Variants in ETV3 observed in about 807,000 individuals in gnomAD.
ETV3 encodes ETS variant transcription factor 3, also known as ETS translocation variant 3.
ETV3 carries 8 observed loss-of-function variants against 33.0 expected under a neutral mutation model. The ratio of observed to expected loss-of-function variants is 0.24; its 90% CI spans 0.14 to 0.44. ETV3 has a LOEUF of 0.44. ETV3 is among the 20% of genes least tolerant of loss of function. The pLI is 1.00. For missense variants in ETV3, 473 were observed against 652.3 expected, an observed-to-expected ratio of 0.73 and a Z score of 2.99; for synonymous variants, 222 against 238.9, an observed-to-expected ratio of 0.93 and a Z score of 0.65.
rs989065197 is a variant in ETV3, at chr1:157,121,375, G to A, written c.*3466C>T. The A allele has an allele frequency of 6.6e-5, 10 of 151,762 alleles. No individual in the cohort carries two copies. The Middle Eastern group carries it at 0.01, about 156-fold the overall frequency. 9.4% of individuals were successfully genotyped at this position (151,762 alleles called of 1,614,324 possible). On this transcript the variant is annotated 3_prime_UTR_variant, in exon 5 of 5. Coordinates refer to ENST00000368192, the MANE Select transcript of ETV3 (RefSeq NM_001145312.3). Reference sequence around the variant, plus strand: ...AAAATTTGAAGACTTTATAGAAAGCGGAACATCTAAAAGGCACTGCACAAT... The same window carrying A: ...AAAATTTGAAGACTTTATAGAAAGCAGAACATCTAAAAGGCACTGCACAAT...
intron 4 of ETV3, among the ~76,000 whole-genome samples, chr1:157,128,099 G>A (rs922271872): frequency 3.3e-5 from 5 of 152,214 alleles, no homozygotes; most frequent in African/African-American, 1.2e-4. Flanking sequence ...GATATGGGAT[G>A]GTTATGAATT....
chr1:157,138,018 G>C (rs1047790266), intron 1 of ETV3, among the ~76,000 whole-genome samples: 1 of 152,180 alleles, frequency 6.6e-6, no homozygotes, highest in Admixed American at 6.5e-5. Flanking sequence ...TCCCGCAGCA[G>C]CTCCGGGTCC....
At position 157,136,370 on chromosome 1, in the gene ETV3, G is replaced by C. The variant is rs929902695; in HGVS notation, c.-13-5C>G. ...GCTTTCATTTTCACCCGCCTGCTGA[G>C]AGACACAAGCCACACAATTACTTTA... On this transcript the variant is annotated splice_polypyrimidine_tract_variant and splice_region_variant and intron_variant, in intron 1 of 4. Coordinates refer to ENST00000368192, the MANE Select transcript of ETV3 (RefSeq NM_001145312.3). 1.2e-6 allele frequency: 2 copies of C among 1,605,554 alleles called. No homozygotes were observed. Among genetic ancestry groups the C allele is most frequent in the African/African-American group, 2.7e-5 (2 of 74,456 alleles).
chr1:157,124,893 A>G lies in ETV3; in HGVS notation c.1487T>C (p.Leu496Pro), dbSNP rs1379493096. The change falls in exon 5 of 5, where the codon CTC becomes CCC. Residue 496 changes from leucine (L) to proline (P), a missense_variant. This residue lies in a region of ETV3 where 410 missense variants were observed against 520.2 expected (regional missense o/e 0.79). Transcript: ENST00000368192. The part of the protein sequence containing the change: ...ARELSKSGKF[L>P]WNGSGPQGLA... ...GCCCTGGGGTCCTGACCCATTCCAG[A>G]GAAACTTGCCACTCTTGCTCAGCTC... The G allele has an allele frequency of 4.5e-6, 7 of 1,551,438 alleles. No homozygotes were observed. Among genetic ancestry groups the G allele is most frequent in the Non-Finnish European group, 6.1e-6 (7 of 1,146,936 alleles).
At chr1:157,133,792 A>G in intron 4 of ETV3, 4 of 1,074,598 alleles carry the variant, frequency 3.7e-6, no homozygotes, top group Non-Finnish European at 4.5e-6. Flanking sequence ...GTTAAAACTG[A>G]GTCCTGAACG....
At position 157,125,420 on chromosome 1, in the gene ETV3, G is replaced by T; in HGVS notation, c.960C>A (p.Pro320=). The change falls in exon 5 of 5, where the codon CCC becomes CCA. Residue 320 remains proline, a synonymous_variant. Coordinates refer to ENST00000368192, the MANE Select transcript of ETV3 (RefSeq NM_001145312.3). The surrounding 1 kb of genome is among the most constrained non-coding windows in gnomAD (Gnocchi z 4.0). The part of the protein sequence containing the change: ...FNYHLSPRTF[P]RYPGLMVPPL... ...GTGGAACCATGAGCCCTGGGTAACG[G>T]GGAAAAGTCCGAGGACTCAGATGGT... is the stretch of plus-strand genomic sequence containing the variant. 1.3e-6 allele frequency: 2 copies of T among 1,552,208 alleles called. No homozygotes were observed. Among genetic ancestry groups the T allele is most frequent in the African/African-American group, 2.7e-5 (2 of 73,156 alleles).
chr1:157,125,212 G>C lies in ETV3; in HGVS notation c.1168C>G (p.Pro390Ala). Residue 390 changes from proline (P) to alanine (A), a missense_variant, in exon 5 of 5, where the codon CCT becomes GCT. Around this residue, in one of 3 missense-constraint regions of ETV3, gnomAD observed 410 missense variants for 520.2 expected, o/e 0.79. Transcript: ENST00000368192. This position sits in a 1 kb window ranked among gnomAD's most constrained non-coding sequence, Gnocchi z 4.0. Reference protein sequence around the residue: ...IKVEPASEKDPESLRQSAREK... With the variant: ...IKVEPASEKDAESLRQSAREK... ...CGTGCCGACTGCCTGAGGCTCTCAGGATCCTTTTCAGAGGCAGGTTCCACC... is the reference window on the plus strand; with the variant it reads ...CGTGCCGACTGCCTGAGGCTCTCAGCATCCTTTTCAGAGGCAGGTTCCACC... The C allele has an allele frequency of 6.4e-7, 1 of 1,552,244 alleles. No homozygotes were observed. Among genetic ancestry groups the C allele is most frequent in the Non-Finnish European group, 8.7e-7 (1 of 1,147,142 alleles).
At chr1:157,129,882 C>T (rs923277205) in intron 4 of ETV3, among the ~76,000 whole-genome samples, 3 of 151,784 alleles carry the variant, frequency 2.0e-5, no homozygotes, top group Non-Finnish European at 2.9e-5. Context: ...ATCTTGCTGT[C>T]GCCCAGGCTG....
At chr1:157,137,534 A>C (rs1330807472) in intron 1 of ETV3, among the ~76,000 whole-genome samples, 2 of 148,622 alleles carry the variant, frequency 1.3e-5, no homozygotes, top group African/African-American at 5.1e-5. Context: ...ACACACACAC[A>C]CACACACTCT....
At chr1:157,131,061 A>G (rs1674956875) in intron 4 of ETV3, among the ~76,000 whole-genome samples, 1 of 152,212 alleles carries the variant, frequency 6.6e-6, no homozygotes, top group Non-Finnish European at 1.5e-5. Flanking sequence ...TACAATATTA[A>G]CCATTAGTGA....
chr1:157,133,341 G>A, intron 4 of ETV3: 1 of 955,430 alleles, frequency 1.0e-6, no homozygotes, highest in Non-Finnish European at 1.2e-6. Context: ...GAATCTACTA[G>A]GGGTCTTAGA....
At chr1:157,136,466 C>T (rs909127917) in intron 1 of ETV3, 101 bp from the exon 2 acceptor site, 12 of 1,064,308 alleles carry the variant, frequency 1.1e-5, no homozygotes, top group Non-Finnish European at 1.6e-5. Context: ...TTCCCCTGTT[C>T]TTCTTTCCGT....
chr1:157,134,379 T>C (rs1571701880), intron 3 of ETV3, 152 bp from the exon 4 acceptor site: 1 of 988,484 alleles, frequency 1.0e-6, no homozygotes, highest in Non-Finnish European at 1.4e-6. Flanking sequence ...CAGGTAGATC[T>C]AGGAGACCTA....
In ETV3 at chr1:157,123,571, C is replaced by T. The variant is rs753852103; in HGVS notation, c.*1270G>A. On this transcript the variant is annotated 3_prime_UTR_variant, in exon 5 of 5. Coordinates refer to ENST00000368192, the MANE Select transcript of ETV3 (RefSeq NM_001145312.3). Reference sequence around the variant, plus strand: ...TTCTGTGTCTTCTTTCCACCTCTTCCTTCAGTCTCAACATCCACTTGTACC... The same window carrying T: ...TTCTGTGTCTTCTTTCCACCTCTTCTTTCAGTCTCAACATCCACTTGTACC... 3.3e-5 allele frequency: 5 copies of T among 152,340 alleles called. No individual in the cohort carries two copies. The highest frequency in any genetic ancestry group is 2.1e-4 in the South Asian group (1 of 4,832). 9.4% of individuals were successfully genotyped at this position (152,340 alleles called of 1,614,324 possible). A position where few individuals can be genotyped will look rare whatever the true frequency, so the allele number is the denominator to read the frequency against.
chr1:157,124,781 T>C lies in ETV3; in HGVS notation c.*60A>G. 1 of 205,066 alleles carries C rather than the reference T, an allele frequency of 4.9e-6. No homozygotes were observed. Among genetic ancestry groups the C allele is most frequent in the South Asian group, 1.3e-4 (1 of 7,866 alleles). 12.7% of individuals were successfully genotyped at this position (205,066 alleles called of 1,614,324 possible). On this transcript the variant is annotated 3_prime_UTR_variant, in exon 5 of 5. Coordinates refer to ENST00000368192, the MANE Select transcript of ETV3 (RefSeq NM_001145312.3). The stretch of plus-strand genomic sequence containing the variant: ...CCTCCCCCCCACCCTGAAATCTTGC[T>C]ACATAAATACATGTATGTATTTGAT...
At position 157,134,120 on chromosome 1, in the gene ETV3, C is replaced by T. The variant is rs768391921; in HGVS notation, c.392G>A (p.Arg131Gln). The change falls in exon 4 of 5, where the codon CGG (arginine) becomes CAG (glutamine). Residue 131 changes from arginine (R) to glutamine (Q), a missense_variant. Physicochemically the swap from Arg to Gln is conservative, Grantham distance 43. Coordinates refer to ENST00000368192, the MANE Select transcript of ETV3 (RefSeq NM_001145312.3). ...VMPNYPFINI[R>Q]SSGVVPQSAP... The stretch of plus-strand genomic sequence containing the variant: ...AAGAGTTTGTATCTTACCACTTGAC[C>T]GAATGTTGATGAATGGGTAGTTGGG... 5.1e-5 allele frequency: 83 copies of T among 1,613,156 alleles called. No individual in the cohort carries two copies. Among genetic ancestry groups the T allele is most frequent in the Middle Eastern group, 3.3e-4 (2 of 6,082 alleles).
chr1:157,127,487 G>C (rs940391117), intron 4 of ETV3, among the ~76,000 whole-genome samples: 6 of 151,112 alleles, frequency 4.0e-5, no homozygotes, highest in Non-Finnish European at 7.4e-5. Flanking sequence ...TTCCAAGTTT[G>C]CTTACTAAAA....
rs1674793018 is a variant in ETV3, at chr1:157,124,962, T to C, written c.1418A>G (p.Lys473Arg). The C allele has an allele frequency of 6.4e-7, 1 of 1,551,792 alleles. No homozygotes were observed. The highest frequency in any genetic ancestry group is 8.7e-7 in the Non-Finnish European group (1 of 1,147,034). ...EKKEDALMPP[K>R]LRLKRRWNDD... The stretch of plus-strand genomic sequence containing the variant: ...ATTCCAGCGCCGCTTCAACCGAAGC[T>C]TGGGGGGCATCAGTGCATCTTCTTT... The change falls in exon 5 of 5, where the codon AAG (lysine) becomes AGG (arginine). Residue 473 changes from lysine to arginine, a missense_variant. This residue lies in a region of ETV3 where 410 missense variants were observed against 520.2 expected (regional missense o/e 0.79). Coordinates refer to ENST00000368192, the MANE Select transcript of ETV3 (RefSeq NM_001145312.3).
chr1:157,133,885 A>G, intron 4 of ETV3: 12 of 1,373,112 alleles, frequency 8.7e-6, no homozygotes, highest in Non-Finnish European at 1.1e-5. Context: ...CAATATGCAG[A>G]AAAGGGAACC....
Sources: allele counts gnomAD v4.1 joint callset (sites outside exome capture counted in the v4.1 genomes callset), GRCh38; gene constraint gnomAD v4.1.1; regional missense constraint gnomAD v4.1.1; non-coding constraint Gnocchi (gnomAD v3.1); transcripts MANE v1.5; gene names NCBI Gene and HGNC (gene_info 2026-07-23, HGNC 2026-07-21).